Variants in TSPAN4 observed in about 807,000 individuals in gnomAD.
The protein encoded by TSPAN4 is tetraspanin 4, also known as tetraspanin-4.
TSPAN4 carries 38 observed loss-of-function variants against 31.5 expected under a neutral mutation model. The observed-to-expected ratio is 1.21, with a 90% CI of 0.93 to 1.58. The LOEUF (loss-of-function observed/expected upper bound fraction) is 1.58, where lower values mean the gene tolerates loss of function less well. Among genes scored for constraint, TSPAN4 ranks in the 40% most tolerant of loss-of-function variants. TSPAN4 has a pLI of 0.00. For synonymous variants in TSPAN4, 186 were observed against 144.6 expected (o/e 1.29, Z -2.06); for missense variants, 330 against 317.3 (o/e 1.04, Z -0.30).
intron 2 of TSPAN4, chr11:850,039 C>T: frequency 3.8e-6 from 1 of 264,206 alleles, no homozygotes; most frequent in East Asian, 6.6e-5. Flanking sequence ...ATGCGCCGCT[C>T]CAGCACGGAC....
chr11:860,319 C>T lies in TSPAN4; in HGVS notation c.64-2231C>T, dbSNP rs571629195. Among the ~76,000 whole-genome samples, 12 of 152,334 alleles carry T rather than the reference C, an allele frequency of 7.9e-5. No homozygotes were observed. The South Asian group carries it at 2.3e-3, about 29-fold the overall frequency. On this transcript the variant is annotated intron_variant, in intron 3 of 8. Transcript: ENST00000397397. ...AGGCCTGGCCTGAATCTTGGGGCAC[C>T]AGCAGCCATGCTGGCCCTTGGGCAG...
chr11:865,826 G>A lies in TSPAN4; in HGVS notation c.564+1G>A. On this transcript the variant is annotated splice_donor_variant, in intron 7 of 8. Transcript: ENST00000397397. LOFTEE classifies it high-confidence loss of function. The stretch of plus-strand genomic sequence containing the variant: ...CGCCCCCGGCACCTGGTGGAAGGCG[G>A]TGAGTGAGACCCCCACCCTGGGGGC... 6.2e-7 allele frequency: 1 copy of A among 1,612,196 alleles called. No homozygotes were observed. The highest frequency in any genetic ancestry group is 8.5e-7 in the Non-Finnish European group (1 of 1,179,572).
chr11:853,760 C>A (rs73403180), intron 3 of TSPAN4, among the ~76,000 whole-genome samples: 4,096 of 152,310 alleles, frequency 0.027, 159 homozygotes, highest in African/African-American at 0.089. Context: ...AGGCCCTCAC[C>A]CGGTGATGGC....
intron 3 of TSPAN4, among the ~76,000 whole-genome samples, chr11:853,720 G>A (rs1388497781): frequency 6.6e-6 from 1 of 152,194 alleles, no homozygotes; most frequent in Non-Finnish European, 1.5e-5. Context: ...ATGGACATCT[G>A]GGGACATGCT....
At position 862,505 on chromosome 11, in the gene TSPAN4, T is replaced by TGGGGCCCAGAGCTTGCAC. The variant is rs1565145023; in HGVS notation, c.64-45_64-44insGGGGCCCAGAGCTTGCAC. 2.0e-6 allele frequency: 3 copies of TGGGGCCCAGAGCTTGCAC among 1,526,812 alleles called. No individual in the cohort carries two copies. In the African/African-American group the frequency reaches 4.1e-5, roughly 21 times the overall value. 94.6% of individuals were successfully genotyped at this position (1,526,812 alleles called of 1,614,324 possible). On this transcript the variant is annotated intron_variant, in intron 3 of 8. Transcript: ENST00000397397. ...TCTGCCCTGGGGTCCAGAGCTTGCA[T>TGGGGCCCAGAGCTTGCAC]TGGGGCCTCACCCTGTCTGTGTCTC...
At chr11:861,783 G>A (rs929033398) in intron 3 of TSPAN4, among the ~76,000 whole-genome samples, 3 of 152,042 alleles carry the variant, frequency 2.0e-5, no homozygotes, top group Non-Finnish European at 2.9e-5. Context: ...ACCGGGTGTG[G>A]TGGGGGCATG....
rs1217624514 is a variant in TSPAN4, at chr11:866,770, G to A, written c.*140G>A. 1.2e-5 allele frequency: 11 copies of A among 906,322 alleles called. No individual in the cohort carries two copies. Among genetic ancestry groups the A allele is most frequent in the East Asian group, 8.6e-5 (3 of 34,942 alleles). The allele number at this position is 906,322 out of a possible 1,614,324, so 56.1% of individuals were successfully genotyped here. On this transcript the variant is annotated 3_prime_UTR_variant, in exon 9 of 9. Transcript: ENST00000397397. ...GGAGGGACAGGTGCCTGGAGCCCCC[G>A]GAACCCTGTTTCTGGAAGGCCCTAG...
At position 865,774 on chromosome 11, in the gene TSPAN4, G is replaced by A. The variant is rs767570185; in HGVS notation, c.513G>A (p.Leu171=). 21 of 1,612,838 alleles carry A rather than the reference G, an allele frequency of 1.3e-5. No individual in the cohort carries two copies. Among genetic ancestry groups the A allele is most frequent in the Non-Finnish European group, 1.7e-5 (20 of 1,179,786 alleles). ...NATRVPDSCC[L]EFSESCGLHA... ...CGCGGGTACCTGACTCCTGCTGCTT[G>A]GAGTTCAGTGAGAGCTGTGGGCTGC... Residue 171 remains leucine (L), a synonymous_variant, in exon 7 of 9, where the codon TTG becomes TTA. Transcript: ENST00000397397.
intron 3 of TSPAN4, chr11:856,817 G>A (rs948422252): frequency 6.6e-6 from 1 of 152,260 alleles, no homozygotes; most frequent in African/African-American, 2.4e-5. Flanking sequence ...ATTTTCTCTT[G>A]CGCTTTGAGG....
chr11:866,179 C>T (rs1848807618), intron 8 of TSPAN4, among the ~76,000 whole-genome samples, 178 bp downstream of exon 8: 1 of 152,150 alleles, frequency 6.6e-6, no homozygotes, highest in African/African-American at 2.4e-5. Flanking sequence ...CAGTGGGCTC[C>T]CTCTTAGTGG....
chr11:858,023 A>G (rs1848157733), intron 3 of TSPAN4: 2 of 152,298 alleles, frequency 1.3e-5, no homozygotes, highest in African/African-American at 4.8e-5. Context: ...AAGACCTGGG[A>G]ACTGCGGGAG....
At chr11:843,615 T>G (rs1847102475) in intron 1 of TSPAN4, 1 of 96,478 alleles carries the variant, frequency 1.0e-5, no homozygotes, top group Non-Finnish European at 2.4e-5. Flanking sequence ...GTCTCTCGGA[T>G]GGAGTGCGGG....
chr11:866,715 G>T lies in TSPAN4; in HGVS notation c.*85G>T. The stretch of plus-strand genomic sequence containing the variant: ...AGCTGCCTTTCCCACCACCAGCCTC[G>T]GTGCTCTGCCCCATGCTGGGAGGAG... On this transcript the variant is annotated 3_prime_UTR_variant, in exon 9 of 9. Transcript: ENST00000397397. 4.5e-6 allele frequency: 6 copies of T among 1,340,902 alleles called. No individual in the cohort carries two copies. In the South Asian group the frequency reaches 8.1e-5, roughly 18 times the overall value. The allele number at this position is 1,340,902 out of a possible 1,614,324, so 83.1% of individuals were successfully genotyped here.
At chr11:866,533 C>T (rs771940802) in intron 8 of TSPAN4, 29 bp from the exon 9 acceptor site, 8 of 1,607,390 alleles carry the variant, frequency 5.0e-6, no homozygotes, top group South Asian at 4.4e-5. Flanking sequence ...GTGGAGCTGC[C>T]ATGCCCAGTC....
At chr11:857,667 T>C (rs745367942) in intron 3 of TSPAN4, 2 of 152,186 alleles carry the variant, frequency 1.3e-5, no homozygotes, top group African/African-American at 2.4e-5. Flanking sequence ...CCTTCCAAAG[T>C]GCTGGGATTA....
Position 866,589 on chromosome 11 carries a change from A to C in TSPAN4, c.676A>C (p.Met226Leu). ...CCTGGGCCTGACCTTCGCCATGACC[A>C]TGTACTGCCAAGTGGTCAAGGCAGA... is the stretch of plus-strand genomic sequence containing the variant. ...QILGLTFAMT[M>L]YCQVVKADTY... Residue 226 changes from methionine (M) to leucine (L), a missense_variant, in exon 9 of 9, where the codon ATG becomes CTG. Coordinates refer to ENST00000397397, the MANE Select transcript of TSPAN4 (RefSeq NM_003271.5). The C allele has an allele frequency of 1.9e-6, 3 of 1,613,506 alleles. No homozygotes were observed. Among genetic ancestry groups the C allele is most frequent in the Non-Finnish European group, 2.5e-6 (3 of 1,179,818 alleles).
chr11:850,140 G>A (rs1230549550), intron 2 of TSPAN4, 148 bp from the exon 3 acceptor site: 11 of 592,920 alleles, frequency 1.9e-5, no homozygotes, highest in Non-Finnish European at 2.9e-5. Flanking sequence ...CAGCCTATAC[G>A]GGCGCGCGGG....
intron 2 of TSPAN4, 67 bp from the exon 3 acceptor site, chr11:850,221 T>C: frequency 7.3e-7 from 1 of 1,368,036 alleles, no homozygotes; most frequent in Non-Finnish European, 1.0e-6. Flanking sequence ...CCAGGCGCGC[T>C]ACACGTCGCC....
At chr11:844,875 C>T (rs957773439) in intron 1 of TSPAN4, among the ~76,000 whole-genome samples, 1 of 152,132 alleles carries the variant, frequency 6.6e-6, no homozygotes, top group South Asian at 2.1e-4. Context: ...CCAGGGGAAA[C>T]CCATGATTGA....
Sources: allele counts gnomAD v4.1 joint callset (sites outside exome capture counted in the v4.1 genomes callset), GRCh38; gene constraint gnomAD v4.1.1; transcripts MANE v1.5; gene names NCBI Gene and HGNC (gene_info 2026-07-23, HGNC 2026-07-21).